The following LYRM4 variants were observed in gnomAD, a reference collection of about 807,000 sequenced individuals.
The protein encoded by LYRM4 is LYR motif containing 4.
Under a neutral mutation model 11.7 loss-of-function variants are expected in LYRM4, and 9 were observed. The observed-to-expected ratio is 0.77, with a 90% CI of 0.46 to 1.34. The LOEUF is 1.34. Among genes scored for constraint, LYRM4 ranks in the 40% most tolerant of loss-of-function variants. The probability of loss-of-function intolerance (pLI) is 0.00; values close to 1 mark genes in which losing one functional copy is unlikely to be tolerated. For synonymous variants in LYRM4, 42 were observed against 40.4 expected (o/e 1.04, Z -0.15); for missense variants, 133 against 112.5 (o/e 1.18, Z -0.82).
At chr6:5,065,176 G>A in the LYRM4 span, among the ~76,000 whole-genome samples, 3 of 152,048 alleles carry the variant, frequency 2.0e-5, no homozygotes, top group Non-Finnish European at 4.4e-5. Context: ...TGTTCTCCAT[G>A]TCTTTTTGTG....
intron 2 of LYRM4, among the ~76,000 whole-genome samples, chr6:5,134,391 C>T (rs764178536): frequency 3.3e-5 from 5 of 152,072 alleles, no homozygotes; most frequent in Non-Finnish European, 7.4e-5. Context: ...ACAGATGGGG[C>T]CTATAGATTT....
chr6:5,187,092 T>C lies in LYRM4; in HGVS notation c.207+29526A>G, dbSNP rs528503154. 1.4e-5 allele frequency: 13 copies of C among 909,906 alleles called. No homozygotes were observed. The South Asian group carries it at 3.5e-4, about 25-fold the overall frequency. 56.4% of individuals were successfully genotyped at this position (909,906 alleles called of 1,614,324 possible). Reference sequence around the variant, plus strand: ...ATCTAAGAAACAATAGAATGGTGAATGAATAATATAGAAAAGAAATGCACA... The same window carrying C: ...ATCTAAGAAACAATAGAATGGTGAACGAATAATATAGAAAAGAAATGCACA... On this transcript the variant is annotated intron_variant, in intron 2 of 2. Transcript: ENST00000330636.
chr6:5,212,803 G>T (rs1413381001), intron 2 of LYRM4, among the ~76,000 whole-genome samples: 2 of 152,216 alleles, frequency 1.3e-5, no homozygotes, highest in African/African-American at 4.8e-5. Flanking sequence ...CGTGGTCCAA[G>T]AATGTTAAGG....
chr6:5,242,200 G>C (rs549236036), intron 1 of LYRM4, among the ~76,000 whole-genome samples: 1 of 151,550 alleles, frequency 6.6e-6, no homozygotes, highest in African/African-American at 2.4e-5. Context: ...AGCCTCCTGA[G>C]TAACTAGGAC....
the LYRM4 span, among the ~76,000 whole-genome samples, chr6:5,035,112 C>T: frequency 3.3e-5 from 5 of 152,030 alleles, no homozygotes; most frequent in East Asian, 1.9e-4. Flanking sequence ...TGTGACCAGA[C>T]GCTCACAGAA....
At chr6:5,195,339 G>C (rs888229482) in intron 2 of LYRM4, among the ~76,000 whole-genome samples, 1 of 152,148 alleles carries the variant, frequency 6.6e-6, no homozygotes, top group Non-Finnish European at 1.5e-5. Context: ...GGCCGGGTAT[G>C]GTGGCTCACG....
chr6:5,140,865 C>T (rs1189179084), intron 2 of LYRM4, among the ~76,000 whole-genome samples: 1 of 152,224 alleles, frequency 6.6e-6, no homozygotes, highest in African/African-American at 2.4e-5. Flanking sequence ...AGCAGTACTG[C>T]CTTCCTTATG....
chr6:5,243,368 A>G (rs1290546879), intron 1 of LYRM4, among the ~76,000 whole-genome samples: 1 of 152,204 alleles, frequency 6.6e-6, no homozygotes, highest in Non-Finnish European at 1.5e-5. Flanking sequence ...TAAATCAACC[A>G]TATTCTCCTT....
the LYRM4 span, chr6:5,086,320 G>A: frequency 1.9e-4 from 292 of 1,535,624 alleles, no homozygotes; most frequent in Non-Finnish European, 2.1e-4. Context: ...GCAGCCAGAG[G>A]CACCGTCTGG....
chr6:5,146,102 T>C (rs200870), intron 2 of LYRM4, among the ~76,000 whole-genome samples: 122,208 of 152,196 alleles, frequency 0.8, 49,250 homozygotes, highest in East Asian at 0.92. Context: ...ATGGTGCTTC[T>C]GGCACTGGAT....
chr6:5,212,167 AC>A lies in LYRM4; in HGVS notation c.207+4450del, dbSNP rs752969103. On this transcript the variant is annotated intron_variant, in intron 2 of 2. Transcript: ENST00000330636. ...GTGCTAACAGACAGGAAATAGTGAC[AC>A]AAAACAAGGTACACTAGAGTTGTTT... Among the ~76,000 whole-genome samples the A allele has an allele frequency of 3.0e-4, 45 of 152,362 alleles. 1 individual carries two copies. The highest frequency in any genetic ancestry group is 9.6e-4 in the African/African-American group (40 of 41,594).
intron 2 of LYRM4, among the ~76,000 whole-genome samples, chr6:5,143,589 G>C (rs1486596266): frequency 6.6e-6 from 1 of 152,192 alleles, no homozygotes; most frequent in Non-Finnish European, 1.5e-5. Flanking sequence ...AAAAAGCCAG[G>C]AGGAAGAAAT....
chr6:5,119,864 C>T (rs530100466), intron 2 of LYRM4, among the ~76,000 whole-genome samples: 1 of 148,878 alleles, frequency 6.7e-6, no homozygotes, highest in South Asian at 2.1e-4. Context: ...CTTTCTGTGG[C>T]ATCTGTGACA....
chr6:5,228,611 T>C (rs555374029), intron 1 of LYRM4, among the ~76,000 whole-genome samples: 42 of 152,172 alleles, frequency 2.8e-4, no homozygotes, highest in Non-Finnish European at 3.7e-4. Context: ...AAAAAGATAA[T>C]GCATAAAATC....
At chr6:5,093,076 C>T in the LYRM4 span, among the ~76,000 whole-genome samples, 1 of 152,136 alleles carries the variant, frequency 6.6e-6, no homozygotes, top group African/African-American at 2.4e-5. Flanking sequence ...TAACTTAGTA[C>T]ACATTTAGAA....
chr6:5,041,345 G>C, the LYRM4 span, among the ~76,000 whole-genome samples: 1 of 152,194 alleles, frequency 6.6e-6, no homozygotes, highest in Non-Finnish European at 1.5e-5. Context: ...TGCCTGGCCA[G>C]CTGTCATAAA....
chr6:5,199,872 T>A (rs960775651), intron 2 of LYRM4, among the ~76,000 whole-genome samples: 1 of 152,224 alleles, frequency 6.6e-6, no homozygotes, highest in African/African-American at 2.4e-5. Context: ...GTCTCCTTGC[T>A]GCCCCCAAGG....
chr6:5,061,936 T>C, the LYRM4 span, among the ~76,000 whole-genome samples: 9 of 152,194 alleles, frequency 5.9e-5, no homozygotes, highest in Admixed American at 4.6e-4. Flanking sequence ...TGCTCAACTT[T>C]TTTATAATTA....
chr6:5,063,906 G>T, the LYRM4 span, among the ~76,000 whole-genome samples: 24,392 of 152,126 alleles, frequency 0.16, 2,127 homozygotes, highest in Middle Eastern at 0.22. Context: ...GGAACTGTCT[G>T]GGCACACTAG....
Sources: gnomAD v4.1 joint callset for allele counts (sites outside exome capture counted in the v4.1 genomes callset) on GRCh38, gnomAD v4.1.1 for gene constraint, MANE v1.5 for transcripts, NCBI Gene and HGNC (gene_info 2026-07-23, HGNC 2026-07-21) for gene names.